HIVEP1: variants seen among roughly 807,000 people sequenced by gnomAD.
The protein encoded by HIVEP1 is zinc finger protein 40.
In HIVEP1, 36 loss-of-function variants were observed where a neutral mutation model predicts 180.0. The observed-to-expected ratio is 0.20, with a 90% CI of 0.15 to 0.26. The LOEUF is 0.26. HIVEP1 is among the 10% of genes least tolerant of loss of function. HIVEP1 has a pLI of 1.00. For missense variants in HIVEP1, 3,143 were observed against 3,268.7 expected (o/e 0.96, Z 0.94); for synonymous variants, 1,239 against 1,239.0 (o/e 1.00, Z 0.00).
At chr6:12,020,348 T>G (rs761064225) in intron 2 of HIVEP1, 33 of 471,016 alleles carry the variant, frequency 7.0e-5, no homozygotes, top group Non-Finnish European at 5.7e-5. Flanking sequence ...AAGAAAGGCT[T>G]AGCATGTTGT....
chr6:12,168,592 G>A (rs886411575), downstream of HIVEP1, among the ~76,000 whole-genome samples: 4 of 151,468 alleles, frequency 2.6e-5, no homozygotes, highest in African/African-American at 7.3e-5. Context: ...TAAGCATTCA[G>A]TAGAAACCAT....
Position 12,015,627 on chromosome 6 carries a change from A to G in HIVEP1, c.-2A>G. On this transcript the variant is annotated 5_prime_UTR_variant, in exon 2 of 9. Coordinates refer to ENST00000379388, the MANE Select transcript of HIVEP1 (RefSeq NM_002114.4). ...GAAAAAGAAGGCCCTGAGTCAAAGA[A>G]GATGCCTCGAACTAAACAAATTCAT... 6.2e-7 allele frequency: 1 copy of G among 1,613,584 alleles called. No individual in the cohort carries two copies. Among genetic ancestry groups the G allele is most frequent in the Non-Finnish European group, 8.5e-7 (1 of 1,179,664 alleles).
In HIVEP1 at chr6:12,015,509, G is replaced by A. The variant is rs149694079; in HGVS notation, c.-103-17G>A. The A allele has an allele frequency of 6.0e-5, 48 of 805,866 alleles. No homozygotes were observed. In the African/African-American group the frequency reaches 6.2e-4, roughly 10 times the overall value. The allele number at this position is 805,866 out of a possible 1,614,324, so 49.9% of individuals were successfully genotyped here. On this transcript the variant is annotated splice_polypyrimidine_tract_variant and intron_variant, in intron 1 of 8. Transcript: ENST00000379388. ...TGAAGGTAGTAAAATGTGCTTCTCC[G>A]TTTTTTTCTTTTTCAGCACATGGAT...
chr6:12,017,078 A>G (rs548020759), intron 2 of HIVEP1, among the ~76,000 whole-genome samples: 18 of 152,240 alleles, frequency 1.2e-4, no homozygotes, highest in African/African-American at 2.2e-4. Context: ...TTATTAGGCC[A>G]TAAGTATTAA....
At chr6:12,127,514 T>C (rs188045601) in intron 4 of HIVEP1, among the ~76,000 whole-genome samples, 1 of 152,362 alleles carries the variant, frequency 6.6e-6, no homozygotes, top group East Asian at 1.9e-4. Flanking sequence ...GGAAGAAATG[T>C]CTGGAAATGC....
chr6:12,033,462 A>G (rs1769086306), intron 2 of HIVEP1, among the ~76,000 whole-genome samples: 1 of 152,166 alleles, frequency 6.6e-6, no homozygotes, highest in Admixed American at 6.5e-5. Context: ...GAGATTATCA[A>G]AGAATGTACT....
upstream of HIVEP1, among the ~76,000 whole-genome samples, chr6:12,011,243 C>A (rs1485925401): frequency 7.3e-5 from 11 of 151,048 alleles, no homozygotes; most frequent in African/African-American, 2.7e-4. Flanking sequence ...CTTCCTTCTA[C>A]GCGTTGCTGA....
In HIVEP1 at chr6:12,123,523, C is replaced by G. The variant is rs1757838035; in HGVS notation, c.3728C>G (p.Pro1243Arg). 6.2e-7 allele frequency: 1 copy of G among 1,613,996 alleles called. No individual in the cohort carries two copies. The highest frequency in any genetic ancestry group is 1.3e-5 in the African/African-American group (1 of 74,906). The change falls in exon 4 of 9, where the codon CCA becomes CGA. Residue 1243 changes from proline (P) to arginine (R), a missense_variant. Around this residue, in one of 12 missense-constraint regions of HIVEP1, gnomAD observed 1,357 missense variants for 1,260.5 expected, o/e 1.08. Coordinates refer to ENST00000379388, the MANE Select transcript of HIVEP1 (RefSeq NM_002114.4). ...QVPEILVTEE[P>R]DRDLEAQCHD... ...CCAGAGATTTTGGTCACAGAAGAACCAGATCGAGACCTGGAAGCTCAATGC... is the reference window on the plus strand; with the variant it reads ...CCAGAGATTTTGGTCACAGAAGAACGAGATCGAGACCTGGAAGCTCAATGC...
rs767392593 is a variant in HIVEP1, at chr6:12,123,259, A to G, written c.3464A>G (p.Glu1155Gly). 2 of 1,614,180 alleles carry G rather than the reference A, an allele frequency of 1.2e-6. No individual in the cohort carries two copies. The highest frequency in any genetic ancestry group is 2.2e-5 in the South Asian group (2 of 91,082). ...PNSFDKPEPF[E>G]RASPVSFQEL... Reference sequence around the variant, plus strand: ...TCATTTGACAAGCCTGAGCCTTTTGAAAGAGCCTCCCCAGTTTCTTTCCAG... The same window carrying G: ...TCATTTGACAAGCCTGAGCCTTTTGGAAGAGCCTCCCCAGTTTCTTTCCAG... Residue 1155 changes from glutamate (E) to glycine (G), a missense_variant, in exon 4 of 9, where the codon GAA (glutamate) becomes GGA (glycine). By Grantham distance (98) the Glu-to-Gly change is moderately conservative. Coordinates refer to ENST00000379388, the MANE Select transcript of HIVEP1 (RefSeq NM_002114.4).
intron 7 of HIVEP1, among the ~76,000 whole-genome samples, chr6:12,158,879 A>G (rs7747677): frequency 0.71 from 107,647 of 151,964 alleles, 38,326 homozygotes; most frequent in Middle Eastern, 0.74. Flanking sequence ...ACTCCTCTAG[A>G]GTTACTGCTT....
At chr6:12,195,626 T>A in the HIVEP1 span, among the ~76,000 whole-genome samples, 4 of 151,224 alleles carry the variant, frequency 2.6e-5, no homozygotes, top group Non-Finnish European at 5.9e-5. Flanking sequence ...TGCCTGGGAG[T>A]GATATAGCTT....
At chr6:12,023,595 T>A (rs192762828) in intron 2 of HIVEP1, among the ~76,000 whole-genome samples, 2 of 152,328 alleles carry the variant, frequency 1.3e-5, no homozygotes, top group African/African-American at 4.8e-5. Context: ...TGTAGATAGC[T>A]GACAGTGCTT....
At chr6:12,174,888 A>G in the HIVEP1 span, among the ~76,000 whole-genome samples, 3 of 72,220 alleles carry the variant, frequency 4.2e-5, no homozygotes, top group Non-Finnish European at 1.2e-4. Context: ...TTTGTAATGT[A>G]ATTTAAGTGA....
At chr6:12,135,658 C>T in intron 6 of HIVEP1, 133 bp from the exon 7 acceptor site, 1 of 589,504 alleles carries the variant, frequency 1.7e-6, no homozygotes, top group East Asian at 2.8e-5. Flanking sequence ...TTCTTTTGTT[C>T]ACATTTTAGT....
the HIVEP1 span, among the ~76,000 whole-genome samples, chr6:12,187,445 T>C: frequency 0.014 from 2,157 of 152,184 alleles, 57 homozygotes; most frequent in African/African-American, 0.05. Flanking sequence ...ACCCATCCCT[T>C]GCGTCCTCTC....
rs772819429 is a variant in HIVEP1 at position 12,124,640 on chromosome 6, G to A, written c.4845G>A (p.Leu1615=). 6.2e-7 allele frequency: 1 copy of A among 1,614,130 alleles called. No individual in the cohort carries two copies. Among genetic ancestry groups the A allele is most frequent in the Admixed American group, 1.7e-5 (1 of 60,028 alleles). Residue 1615 remains leucine (L), a synonymous_variant, in exon 4 of 9, where the codon CTG becomes CTA. Coordinates refer to ENST00000379388, the MANE Select transcript of HIVEP1 (RefSeq NM_002114.4). ...ACAGCATGTCTAATTCGCATCCTCT[G>A]CTACCACCAGAGCTCAGGCCCCTTG... ...LIDSMSNSHP[L]LPPELRPLGS...
the HIVEP1 span, among the ~76,000 whole-genome samples, chr6:12,201,870 G>A: frequency 6.6e-6 from 1 of 152,134 alleles, no homozygotes; most frequent in African/African-American, 2.4e-5. Flanking sequence ...GTATAGGTTG[G>A]TTTTATGGCT....
chr6:12,134,123 G>A (rs1235420279), intron 6 of HIVEP1, among the ~76,000 whole-genome samples: 1 of 152,104 alleles, frequency 6.6e-6, no homozygotes, highest in African/African-American at 2.4e-5. Context: ...ATTTCTTAAT[G>A]TGAAAACTTT....
chr6:12,096,822 T>A (rs1340971066), intron 3 of HIVEP1, among the ~76,000 whole-genome samples: 1 of 152,022 alleles, frequency 6.6e-6, no homozygotes, highest in Non-Finnish European at 1.5e-5. Context: ...CATGTAATAC[T>A]GAAATTTAGG....
Sources: gnomAD v4.1 joint callset for allele counts (sites outside exome capture counted in the v4.1 genomes callset) on GRCh38, gnomAD v4.1.1 for gene constraint, gnomAD v4.1.1 regional missense constraint, MANE v1.5 for transcripts, NCBI Gene and HGNC (gene_info 2026-07-23, HGNC 2026-07-21) for gene names.